Variants in ADAMTS18 observed in about 807,000 individuals in gnomAD.
The protein encoded by ADAMTS18 is A disintegrin and metalloproteinase with thrombospondin motifs 18.
A neutral mutation model predicts 165.9 loss-of-function variants in ADAMTS18; 157 were observed. That is an observed-to-expected ratio of 0.95 (90% CI 0.83 to 1.08). ADAMTS18 has a LOEUF of 1.08. Ranked by LOEUF, ADAMTS18 falls within the 50% of genes least tolerant of loss-of-function variation. The probability of loss-of-function intolerance (pLI) is 0.00; values close to 1 mark genes in which losing one functional copy is unlikely to be tolerated. For missense variants in ADAMTS18, 2,040 were observed against 1,534.0 expected (o/e 1.33, Z -5.51); for synonymous variants, 782 against 578.2 (o/e 1.35, Z -5.06).
At chr16:77,428,489 C>A (rs924231736) in intron 3 of ADAMTS18, among the ~76,000 whole-genome samples, 21 of 152,128 alleles carry the variant, frequency 1.4e-4, no homozygotes, top group African/African-American at 5.1e-4. Flanking sequence ...TCACAACTAT[C>A]AATCAGAACA....
chr16:77,333,745 T>C (rs970219176), intron 12 of ADAMTS18, among the ~76,000 whole-genome samples: 11 of 150,370 alleles, frequency 7.3e-5, no homozygotes, highest in Admixed American at 4.6e-4. Flanking sequence ...ATATCCATAA[T>C]TGAACAGTGT....
chr16:77,299,322 T>C (rs1461726512), intron 17 of ADAMTS18, among the ~76,000 whole-genome samples: 4 of 152,220 alleles, frequency 2.6e-5, no homozygotes, highest in East Asian at 1.9e-4. Flanking sequence ...TAATAGCCCA[T>C]TGCTTTTAAA....
intron 3 of ADAMTS18, among the ~76,000 whole-genome samples, chr16:77,385,449 G>A (rs188403316): frequency 6.6e-6 from 1 of 152,218 alleles, no homozygotes; most frequent in Admixed American, 6.5e-5. Flanking sequence ...TGCAAGACAG[G>A]GATTCCAATT....
chr16:77,411,241 G>A (rs1461442713), intron 3 of ADAMTS18, among the ~76,000 whole-genome samples: 1 of 152,118 alleles, frequency 6.6e-6, no homozygotes, highest in Non-Finnish European at 1.5e-5. Flanking sequence ...CCACATGGCT[G>A]GCTCCCTGAC....
chr16:77,291,562 C>T lies in ADAMTS18; in HGVS notation c.3190-84G>A, dbSNP rs1247956633. 15 of 1,351,612 alleles carry T rather than the reference C, an allele frequency of 1.1e-5. No homozygotes were observed. In the East Asian group the frequency reaches 1.8e-4, roughly 16 times the overall value. The allele number at this position is 1,351,612 out of a possible 1,614,324, so 83.7% of individuals were successfully genotyped here. ...AGAGGCAGTTTGACATAAGGTTGCACCATCCACATGAAATAGGAGGGATGG... is the reference window on the plus strand; with the variant it reads ...AGAGGCAGTTTGACATAAGGTTGCATCATCCACATGAAATAGGAGGGATGG... On this transcript the variant is annotated intron_variant, in intron 20 of 22. Coordinates refer to ENST00000282849, the MANE Select transcript of ADAMTS18 (RefSeq NM_199355.4).
Position 77,325,965 on chromosome 16 carries a change from C to G in ADAMTS18, c.1933G>C (p.Glu645Gln), listed in dbSNP as rs868333047. ...TGAGCCCGAAAATCCAAGCTATTTT[C>G]ATTGCAAGGGTTAATATTGCACAGC... ...YQLCNINPCN[E>Q]NSLDFRAQQC... is the part of the protein sequence containing the mutation. The change falls in exon 13 of 23, where the codon GAA becomes CAA. Residue 645 changes from glutamate to glutamine, a missense_variant. By Grantham distance (29) the Glu-to-Gln change is conservative. Transcript: ENST00000282849. The G allele has an allele frequency of 1.9e-6, 3 of 1,614,032 alleles. No homozygotes were observed. The highest frequency in any genetic ancestry group is 2.5e-6 in the Non-Finnish European group (3 of 1,179,968).
chr16:77,425,557 T>A (rs1308582301), intron 3 of ADAMTS18, among the ~76,000 whole-genome samples: 3 of 152,244 alleles, frequency 2.0e-5, no homozygotes, highest in Admixed American at 2.0e-4. Flanking sequence ...ACTTTTTGCA[T>A]GTCTTTTCAA....
chr16:77,376,396 G>A (rs574641878), intron 3 of ADAMTS18, among the ~76,000 whole-genome samples: 16 of 152,260 alleles, frequency 1.1e-4, no homozygotes, highest in African/African-American at 3.6e-4. Flanking sequence ...AGATTTGGGT[G>A]GGGACACAAA....
intron 3 of ADAMTS18, among the ~76,000 whole-genome samples, chr16:77,402,394 G>A (rs2057342697): frequency 6.6e-6 from 1 of 152,094 alleles, no homozygotes; most frequent in African/African-American, 2.4e-5. Context: ...CTGTTATCCC[G>A]ATAGTCCTGG....
At chr16:77,308,694 T>G (rs2055726280) in intron 16 of ADAMTS18, among the ~76,000 whole-genome samples, 1 of 152,150 alleles carries the variant, frequency 6.6e-6, no homozygotes, top group African/African-American at 2.4e-5. Flanking sequence ...GTCAGTGACC[T>G]TAAATTACCT....
intron 3 of ADAMTS18, among the ~76,000 whole-genome samples, chr16:77,392,624 A>G (rs892056883): frequency 2.0e-5 from 3 of 152,134 alleles, no homozygotes; most frequent in African/African-American, 7.2e-5. Context: ...GTCCATTTCT[A>G]CACTAGAGTG....
chr16:77,378,340 C>CA (rs1396279956), intron 3 of ADAMTS18, among the ~76,000 whole-genome samples: 27 of 68,496 alleles, frequency 3.9e-4, no homozygotes, highest in Admixed American at 1.8e-3. Flanking sequence ...AAAACAAAAA[C>CA]AAAAAAAAAC....
chr16:77,316,920 G>C (rs2055897135), intron 16 of ADAMTS18, among the ~76,000 whole-genome samples: 1 of 152,092 alleles, frequency 6.6e-6, no homozygotes, highest in Non-Finnish European at 1.5e-5. Flanking sequence ...ACCTACCTCA[G>C]CATCCCAAAG....
chr16:77,286,886 T>C (rs905817586), intron 22 of ADAMTS18, among the ~76,000 whole-genome samples: 8 of 152,172 alleles, frequency 5.3e-5, no homozygotes, highest in African/African-American at 1.7e-4. Flanking sequence ...GTATAATATG[T>C]ACAGTGCAAC....
chr16:77,292,363 T>C (rs1038709960), intron 20 of ADAMTS18, among the ~76,000 whole-genome samples: 6 of 152,140 alleles, frequency 3.9e-5, no homozygotes, highest in African/African-American at 1.4e-4. Flanking sequence ...GCCCTCATGA[T>C]TTTTCCACCC....
intron 11 of ADAMTS18, among the ~76,000 whole-genome samples, chr16:77,336,318 T>A (rs2056310118): frequency 1.3e-5 from 2 of 152,164 alleles, no homozygotes; most frequent in South Asian, 2.1e-4. Flanking sequence ...TTAACACAAT[T>A]TATCATTCTG....
chr16:77,429,544 C>T (rs1192360398), intron 3 of ADAMTS18, among the ~76,000 whole-genome samples: 4 of 152,198 alleles, frequency 2.6e-5, no homozygotes, highest in Middle Eastern at 3.4e-3. Flanking sequence ...GACATGAGTT[C>T]ACCCACGTGA....
At chr16:77,429,047 C>G (rs940760353) in intron 3 of ADAMTS18, among the ~76,000 whole-genome samples, 1 of 152,120 alleles carries the variant, frequency 6.6e-6, no homozygotes, top group African/African-American at 2.4e-5. Context: ...TTTCAAAGAG[C>G]TAAAAGCAGA....
chr16:77,284,781 A>C (rs1490872959), intron 22 of ADAMTS18, among the ~76,000 whole-genome samples: 1 of 152,146 alleles, frequency 6.6e-6, no homozygotes, highest in East Asian at 1.9e-4. Flanking sequence ...TTGTACCACT[A>C]GTACCGCTGG....
Sources: allele counts gnomAD v4.1 joint callset (sites outside exome capture counted in the v4.1 genomes callset), GRCh38; gene constraint gnomAD v4.1.1; transcripts MANE v1.5; gene names NCBI Gene and HGNC (gene_info 2026-07-23, HGNC 2026-07-21).